The following ARHGAP30 variants were observed in gnomAD, a reference collection of about 807,000 sequenced individuals.
The protein encoded by ARHGAP30 is Rho GTPase activating protein 30.
Under a neutral mutation model 72.0 loss-of-function variants are expected in ARHGAP30, and 23 were observed. The observed-to-expected ratio is 0.32, with a 90% CI of 0.23 to 0.45. ARHGAP30 has a LOEUF of 0.45. Among genes scored for constraint, ARHGAP30 ranks in the 20% least tolerant of loss-of-function variants. ARHGAP30 has a pLI of 1.00. For synonymous variants in ARHGAP30, 576 were observed against 528.2 expected, an observed-to-expected ratio of 1.09 and a Z score of -1.24; for missense variants, 1,319 against 1,383.4, an observed-to-expected ratio of 0.95 and a Z score of 0.74.
At chr1:161,050,275 T>C (rs1294304298) in intron 10 of ARHGAP30, among the ~76,000 whole-genome samples, 2 of 149,260 alleles carry the variant, frequency 1.3e-5, no homozygotes, top group Non-Finnish European at 1.5e-5. Flanking sequence ...AAACCAATCC[T>C]GCAATCACAG....
At chr1:161,050,295 CTTTTTTT>C (rs34136308) in intron 10 of ARHGAP30, among the ~76,000 whole-genome samples, 2 of 118,622 alleles carry the variant, frequency 1.7e-5, no homozygotes, top group Admixed American at 9.6e-5. Context: ...GCACTTGGAC[CTTTTTTT>C]TTTTTTTTTT....
intron 2 of ARHGAP30, among the ~76,000 whole-genome samples, chr1:161,058,344 G>A (rs930292607): frequency 6.7e-6 from 1 of 149,370 alleles, no homozygotes; most frequent in South Asian, 2.1e-4. Context: ...TAAATACACA[G>A]GCCAGGGCAT....
intron 2 of ARHGAP30, among the ~76,000 whole-genome samples, chr1:161,058,005 G>A (rs1005176339): frequency 6.6e-6 from 1 of 152,144 alleles, no homozygotes; most frequent in Non-Finnish European, 1.5e-5. Context: ...TACAAAATTA[G>A]CCAGGCATGG....
intron 1 of ARHGAP30, among the ~76,000 whole-genome samples, chr1:161,067,097 G>A (rs557122969): frequency 3.6e-4 from 54 of 152,102 alleles, no homozygotes; most frequent in Non-Finnish European, 6.2e-4. Context: ...CAAGGAGATG[G>A]GGGAAGAGAC....
chr1:161,067,262 G>C (rs1226030519), intron 1 of ARHGAP30, among the ~76,000 whole-genome samples: 2 of 152,066 alleles, frequency 1.3e-5, no homozygotes, highest in Non-Finnish European at 1.5e-5. Flanking sequence ...AAAAGCTTAG[G>C]GACCTGAGAA....
intron 3 of ARHGAP30, among the ~76,000 whole-genome samples, chr1:161,055,905 T>A (rs868765853): frequency 6.1e-3 from 160 of 26,446 alleles, no homozygotes; most frequent in Non-Finnish European, 0.011. Context: ...TAAAATAAAA[T>A]AAAATAAAAT....
chr1:161,054,430 A>T lies in ARHGAP30; in HGVS notation c.472T>A (p.Phe158Ile). Residue 158 changes from phenylalanine to isoleucine, a missense_variant, in exon 5 of 12, where the codon TTC becomes ATC. Physicochemically the swap from Phe to Ile is conservative, Grantham distance 21 (BLOSUM62 0). This residue lies in a region of ARHGAP30 where 222 missense variants were observed against 338.2 expected (regional missense o/e 0.66). Coordinates refer to ENST00000368013, the MANE Select transcript of ARHGAP30 (RefSeq NM_001025598.2). ...GCATGCATGTTGGTCTGGGCACTGA[A>T]TGAGGCCATGTGTACCAAGTGCCTC... ...LMRHLVHMAS[F>I]SAQTNMHARN... The T allele has an allele frequency of 1.2e-6, 2 of 1,614,054 alleles. No individual in the cohort carries two copies. The highest frequency in any genetic ancestry group is 1.7e-6 in the Non-Finnish European group (2 of 1,179,972).
At position 161,047,761 on chromosome 1, in the gene ARHGAP30, T is replaced by C; in HGVS notation, c.3260A>G (p.Tyr1087Cys). Residue 1087 changes from tyrosine (Y) to cysteine (C), a missense_variant, in exon 12 of 12, where the codon TAT becomes TGT. Tyr to Cys is a radical substitution (Grantham distance 194). Transcript: ENST00000368013. ...DPLLSSQRRS[Y>C]AFETQANPGK... ...AGGGTTAGCCTGTGTTTCAAATGCATATGACCTGCGCTGAGAGGACAACAG... is the reference window on the plus strand; with the variant it reads ...AGGGTTAGCCTGTGTTTCAAATGCACATGACCTGCGCTGAGAGGACAACAG... 2 of 1,555,948 alleles carry C rather than the reference T, an allele frequency of 1.3e-6. No homozygotes were observed. The highest frequency in any genetic ancestry group is 1.7e-6 in the Non-Finnish European group (2 of 1,155,212).
Position 161,059,731 on chromosome 1 carries a change from G to T in ARHGAP30, c.98-15C>A. ...CACCTGGGGCACTGGGGACACAGAC[G>T]GGGCAGAGACATAGAAATCAGAGGA... On this transcript the variant is annotated splice_polypyrimidine_tract_variant and intron_variant, in intron 1 of 11. Coordinates refer to ENST00000368013, the MANE Select transcript of ARHGAP30 (RefSeq NM_001025598.2). 6.2e-7 allele frequency: 1 copy of T among 1,604,082 alleles called. No homozygotes were observed. The highest frequency in any genetic ancestry group is 8.5e-7 in the Non-Finnish European group (1 of 1,173,644).
At position 161,051,318 on chromosome 1, in the gene ARHGAP30, GGGGCCAGGGCCAAGGCCAGGGCCA is replaced by G. The variant is rs746209628; in HGVS notation, c.1392_1415del (p.Gly465_Pro472del). 41 of 1,596,712 alleles carry G rather than the reference GGGGCCAGGGCCAAGGCCAGGGCCA, an allele frequency of 2.6e-5. No individual in the cohort carries two copies. Among genetic ancestry groups the G allele is most frequent in the South Asian group, 1.5e-4 (13 of 88,488 alleles). On this transcript the variant is annotated inframe_deletion, in exon 10 of 12. Transcript: ENST00000368013. ...GGTCAATCAATGGGTCCTCACCTGGGGGGCCAGGGCCAAGGCCAGGGCCAGGGCCAGGGCCAGAGGCAGGGCTTG... is the reference window on the plus strand; with the variant it reads ...GGTCAATCAATGGGTCCTCACCTGGGGGGCCAGGGCCAGAGGCAGGGCTTG...
rs1208506967 is a variant in ARHGAP30 at position 161,066,969 on chromosome 1, A to AAT, written c.97+2558_97+2559insAT. On this transcript the variant is annotated intron_variant, in intron 1 of 11. Transcript: ENST00000368013. ...TAAACCACCAGGTTTTTGTCACATG[A>AAT]GCAGCATACAAACCAGGTCTTCTCT... Among the ~76,000 whole-genome samples, 3 of 152,156 alleles carry AAT rather than the reference A, an allele frequency of 2.0e-5. No homozygotes were observed. In the East Asian group the frequency reaches 5.8e-4, roughly 29 times the overall value.
chr1:161,052,338 C>T lies in ARHGAP30; in HGVS notation c.966G>A (p.Leu322=). 6.2e-7 allele frequency: 1 copy of T among 1,614,038 alleles called. No individual in the cohort carries two copies. The highest frequency in any genetic ancestry group is 1.1e-5 in the South Asian group (1 of 91,080). The change falls in exon 9 of 12, where the codon CTG becomes CTA. Residue 322 remains leucine, a synonymous_variant. Transcript: ENST00000368013. ...GTGAGTCCATGCTTTTGGCTGGCCG[C>T]AGTGTCCCCTTGTTGGATTTATCCT... is the stretch of plus-strand genomic sequence containing the variant. ...DREDKSNKGT[L]RPAKSMDSLS... is the part of the protein sequence containing the mutation.
chr1:161,069,326 G>A lies in ARHGAP30; in HGVS notation c.97+202C>T, dbSNP rs999486541. ...CCCTCAGCCACCCCATCCCCAGAAA[G>A]TTACACAAGGGAGCCGCCCTGCCTT... On this transcript the variant is annotated intron_variant, in intron 1 of 11. Transcript: ENST00000368013. The surrounding 1 kb of genome is among the most constrained non-coding windows in gnomAD (Gnocchi z 4.9). Among the ~76,000 whole-genome samples, 1 of 152,036 alleles carries A rather than the reference G, an allele frequency of 6.6e-6. No homozygotes were observed. The highest frequency in any genetic ancestry group is 1.5e-5 in the Non-Finnish European group (1 of 68,006).
In ARHGAP30 at chr1:161,047,046, C is replaced by A. The variant is rs758432849; in HGVS notation, c.*669G>T. 3.5e-5 allele frequency: 16 copies of A among 457,962 alleles called. No homozygotes were observed. The highest frequency in any genetic ancestry group is 2.4e-4 in the South Asian group (15 of 62,126). The allele number at this position is 457,962 out of a possible 1,614,324, so 28.4% of individuals were successfully genotyped here. ...AGCAGTCCCAGGGCCTGAGTGACAC[C>A]ATTTCCCTTTCCTGAAATAGGAACA... On this transcript the variant is annotated 3_prime_UTR_variant, in exon 12 of 12. Coordinates refer to ENST00000368013, the MANE Select transcript of ARHGAP30 (RefSeq NM_001025598.2).
At chr1:161,064,879 G>A (rs901843256) in intron 1 of ARHGAP30, among the ~76,000 whole-genome samples, 2 of 147,402 alleles carry the variant, frequency 1.4e-5, no homozygotes, top group Non-Finnish European at 1.5e-5. Context: ...AGAGGAAGGA[G>A]AGAAAAGAGA....
chr1:161,063,015 T>C (rs60315407), intron 1 of ARHGAP30, among the ~76,000 whole-genome samples: 36,512 of 152,000 alleles, frequency 0.24, 5,016 homozygotes, highest in Middle Eastern at 0.3. Flanking sequence ...TGTTTCCCCA[T>C]GTTGGTCAGG....
rs778374009 is a variant in ARHGAP30, at chr1:161,053,315, C to T, written c.607G>A (p.Val203Ile). 1.3e-5 allele frequency: 21 copies of T among 1,613,906 alleles called. No individual in the cohort carries two copies. Among genetic ancestry groups the T allele is most frequent in the East Asian group, 2.2e-5 (1 of 44,884 alleles). ...AFMEVRVQSI[V>I]VEFILTHVDQ... ...ACGTGTGTGAGGATGAACTCCACGA[C>T]GATGGATTGTACCCGCACCTCCATG... is the stretch of plus-strand genomic sequence containing the variant. The change falls in exon 6 of 12, where the codon GTC becomes ATC. Residue 203 changes from valine (V) to isoleucine (I), a missense_variant. Physicochemically the swap from Val to Ile is conservative, Grantham distance 29 (BLOSUM62 3). Around this residue, in one of 2 missense-constraint regions of ARHGAP30, gnomAD observed 222 missense variants for 338.2 expected, o/e 0.66. Transcript: ENST00000368013.
rs185847082 is a variant in ARHGAP30, at chr1:161,059,603, G to T, written c.200+11C>A. 7.5e-6 allele frequency: 12 copies of T among 1,609,756 alleles called. No homozygotes were observed. The highest frequency in any genetic ancestry group is 1.7e-4 in the Middle Eastern group (1 of 6,054). On this transcript the variant is annotated intron_variant, in intron 2 of 11. Transcript: ENST00000368013. ...CCTGGTCACAGAGCCCTCCCACTCTGTTTGACTCACCGAAGCTTCTGGATG... is the reference window on the plus strand; with the variant it reads ...CCTGGTCACAGAGCCCTCCCACTCTTTTTGACTCACCGAAGCTTCTGGATG...
chr1:161,069,724 G>T lies in ARHGAP30; in HGVS notation c.-100C>A. On this transcript the variant is annotated 5_prime_UTR_variant, in exon 1 of 12. Coordinates refer to ENST00000368013, the MANE Select transcript of ARHGAP30 (RefSeq NM_001025598.2). This position sits in a 1 kb window ranked among gnomAD's most constrained non-coding sequence, Gnocchi z 4.9. ...CCCAGCCAGCTGCTGGGCTTGGCCC[G>T]GCCCCAGGGGGGCAGGGCTCCCAAT... is the stretch of plus-strand genomic sequence containing the variant. The T allele has an allele frequency of 3.1e-6, 4 of 1,307,280 alleles. No individual in the cohort carries two copies. Among genetic ancestry groups the T allele is most frequent in the Non-Finnish European group, 4.3e-6 (4 of 932,720 alleles). 81.0% of individuals were successfully genotyped at this position (1,307,280 alleles called of 1,614,324 possible).
Sources: gnomAD v4.1 joint callset for allele counts (sites outside exome capture counted in the v4.1 genomes callset) on GRCh38, gnomAD v4.1.1 for gene constraint, gnomAD v4.1.1 regional missense constraint, Gnocchi (gnomAD v3.1) non-coding constraint, MANE v1.5 for transcripts, NCBI Gene and HGNC (gene_info 2026-07-23, HGNC 2026-07-21) for gene names.